CSMD1: variants seen among roughly 807,000 people sequenced by gnomAD.
The protein encoded by CSMD1 is CUB and sushi domain-containing protein 1.
CSMD1 carries 213 observed loss-of-function variants against 417.5 expected under a neutral mutation model. The observed-to-expected ratio is 0.51, with a 90% CI of 0.46 to 0.57. The LOEUF (loss-of-function observed/expected upper bound fraction) is 0.57, where lower values mean the gene tolerates loss of function less well. Among genes scored for constraint, CSMD1 ranks in the 20% least tolerant of loss-of-function variants. The pLI, the probability that CSMD1 is intolerant of heterozygous loss-of-function variation, is 0.00. For missense variants in CSMD1, 6,923 were observed against 4,529.7 expected (o/e 1.53, Z -15.17); for synonymous variants, 2,862 against 1,736.8 (o/e 1.65, Z -16.11).
intron 1 of CSMD1, among the ~76,000 whole-genome samples, chr8:4,759,907 T>C (rs1811932326): frequency 6.6e-6 from 1 of 152,252 alleles, no homozygotes; most frequent in Admixed American, 6.5e-5. Flanking sequence ...GCATGACTTA[T>C]ATTTCTTTGG....
intron 5 of CSMD1, among the ~76,000 whole-genome samples, chr8:3,843,104 T>C (rs1464989501): frequency 6.6e-6 from 1 of 152,188 alleles, no homozygotes; most frequent in African/African-American, 2.4e-5. Flanking sequence ...TTATTTATTC[T>C]TTAGAGAGTT....
chr8:3,327,565 C>A (rs1416534030), intron 23 of CSMD1, among the ~76,000 whole-genome samples: 10 of 152,150 alleles, frequency 6.6e-5, no homozygotes, highest in African/African-American at 1.9e-4. Context: ...TTCTCCACAA[C>A]TGAATGTCAC....
chr8:3,556,518 A>T (rs11136638), intron 10 of CSMD1, among the ~76,000 whole-genome samples: 1 of 117,736 alleles, frequency 8.5e-6, no homozygotes, highest in Non-Finnish European at 1.8e-5. Context: ...TTTCACACGC[A>T]CACACACACA....
intron 3 of CSMD1, among the ~76,000 whole-genome samples, chr8:4,321,276 T>C (rs1350334483): frequency 6.6e-6 from 1 of 152,140 alleles, no homozygotes; most frequent in Non-Finnish European, 1.5e-5. Flanking sequence ...CTCGGTGTGT[T>C]GGTATGTTCA....
At chr8:4,036,556 G>C (rs1021190074) in intron 3 of CSMD1, among the ~76,000 whole-genome samples, 1 of 152,090 alleles carries the variant, frequency 6.6e-6, no homozygotes, top group Non-Finnish European at 1.5e-5. Flanking sequence ...TATTTATTCT[G>C]TTCAATTTCA....
chr8:3,883,289 T>C (rs543598553), intron 5 of CSMD1, among the ~76,000 whole-genome samples: 5 of 152,300 alleles, frequency 3.3e-5, no homozygotes, highest in Non-Finnish European at 5.9e-5. Context: ...CTCACATGTT[T>C]ACTGTGAGAA....
intron 3 of CSMD1, among the ~76,000 whole-genome samples, chr8:4,218,058 C>T (rs1052436485): frequency 2.0e-5 from 3 of 152,172 alleles, no homozygotes; most frequent in African/African-American, 4.8e-5. Context: ...GGCTTATTAA[C>T]CCACTGATGC....
intron 3 of CSMD1, among the ~76,000 whole-genome samples, chr8:4,043,982 T>A (rs1173133039): frequency 1.3e-5 from 2 of 152,068 alleles, no homozygotes; most frequent in Non-Finnish European, 2.9e-5. Flanking sequence ...TGCTTTTAAA[T>A]GCAACTGTAA....
chr8:3,558,214 C>T lies in CSMD1; in HGVS notation c.1344+16731G>A, dbSNP rs150568979. On this transcript the variant is annotated intron_variant, in intron 10 of 69. Transcript: ENST00000635120. ...GATGAATAGTGCCTCAGTAGTACCC[C>T]GTATCCCCTCCTCCAATGACAAATA... Among the ~76,000 whole-genome samples the T allele has an allele frequency of 9.5e-4, 141 of 148,454 alleles. 1 individual carries two copies. Among genetic ancestry groups the T allele is most frequent in the East Asian group, 3.7e-3 (18 of 4,914 alleles).
chr8:3,651,358 T>C (rs867638449), intron 7 of CSMD1, among the ~76,000 whole-genome samples: 2 of 152,116 alleles, frequency 1.3e-5, no homozygotes, highest in East Asian at 1.9e-4. Context: ...ACACTTCACA[T>C]AGGTCTTCTG....
chr8:3,619,071 T>C (rs1269490542), intron 7 of CSMD1, among the ~76,000 whole-genome samples: 1 of 151,514 alleles, frequency 6.6e-6, no homozygotes, highest in Non-Finnish European at 1.5e-5. Context: ...AACCCATGGG[T>C]ACACTGGGGT....
intron 26 of CSMD1, among the ~76,000 whole-genome samples, chr8:3,251,145 A>C (rs1309310693): frequency 6.6e-6 from 1 of 152,124 alleles, no homozygotes; most frequent in Admixed American, 6.6e-5. Context: ...GCCCGTGCCT[A>C]TGTCCTGAAT....
rs572908448 is a variant in CSMD1 at position 3,862,737 on chromosome 8, G to A, written c.819-108695C>T. 3.1e-4 allele frequency among the ~76,000 whole-genome samples: 47 copies of A among 152,314 alleles called. 1 individual carries two copies. The highest frequency in any genetic ancestry group is 1.1e-3 in the African/African-American group (44 of 41,568). On this transcript the variant is annotated intron_variant, in intron 5 of 69. Transcript: ENST00000635120. ...AACAACTGAGTAAGGGAGGCTAGGA[G>A]AAATGATTATGTTTGTTTTGCCACT...
At chr8:4,480,052 T>C (rs1168719962) in intron 2 of CSMD1, among the ~76,000 whole-genome samples, 7 of 151,842 alleles carry the variant, frequency 4.6e-5, no homozygotes, top group African/African-American at 1.7e-4. Flanking sequence ...CTGGAGAATG[T>C]GGTCGTGAGT....
rs144684698 is a variant in CSMD1 at position 4,365,010 on chromosome 8, C to G, written c.415+54943G>C. ...AAAACATTTATATTCTAATGGAACT[C>G]AGATGATATTTTATGAAATATGTTC... On this transcript the variant is annotated intron_variant, in intron 3 of 69. Coordinates refer to ENST00000635120, the MANE Select transcript of CSMD1 (RefSeq NM_033225.6). Among the ~76,000 whole-genome samples the G allele has an allele frequency of 8.8e-4, 134 of 152,214 alleles. 1 individual carries two copies. The highest frequency in any genetic ancestry group is 3.1e-3 in the African/African-American group (127 of 41,560).
intron 1 of CSMD1, among the ~76,000 whole-genome samples, chr8:4,763,344 G>T (rs536077784): frequency 6.6e-6 from 1 of 152,156 alleles, no homozygotes; most frequent in Admixed American, 6.6e-5. Flanking sequence ...ATCACAGCAA[G>T]ATTTCCTATT....
intron 2 of CSMD1, among the ~76,000 whole-genome samples, chr8:4,483,088 G>C (rs542006346): frequency 1.3e-5 from 2 of 152,242 alleles, no homozygotes; most frequent in East Asian, 3.9e-4. Flanking sequence ...GGAGATAATT[G>C]AATGACAGGG....
chr8:4,355,129 G>C (rs921264667), intron 3 of CSMD1, among the ~76,000 whole-genome samples: 1 of 151,912 alleles, frequency 6.6e-6, no homozygotes, highest in African/African-American at 2.4e-5. Flanking sequence ...GGGCGTGGTG[G>C]CGGGCGCCTG....
intron 5 of CSMD1, among the ~76,000 whole-genome samples, chr8:3,787,161 T>C (rs879893236): frequency 6.6e-6 from 1 of 152,274 alleles, no homozygotes; most frequent in East Asian, 1.9e-4. Context: ...TGTAATCAGG[T>C]AGCTTTCACT....
Sources: allele counts gnomAD v4.1 joint callset (sites outside exome capture counted in the v4.1 genomes callset), GRCh38; gene constraint gnomAD v4.1.1; transcripts MANE v1.5; gene names NCBI Gene and HGNC (gene_info 2026-07-23, HGNC 2026-07-21).